Variants in DMD observed in about 807,000 individuals in gnomAD.
DMD encodes mutant dystrophin.
DMD carries 63 observed loss-of-function variants against 330.1 expected under a neutral mutation model. The ratio of observed to expected loss-of-function variants is 0.19; its 90% CI spans 0.16 to 0.24. The LOEUF (loss-of-function observed/expected upper bound fraction) is 0.24, where lower values mean the gene tolerates loss of function less well. Among genes scored for constraint, DMD ranks in the 10% least tolerant of loss-of-function variants. The pLI, the probability that DMD is intolerant of heterozygous loss-of-function variation, is 1.00. For synonymous variants in DMD, 1,223 were observed against 959.8 expected (o/e 1.27, Z -5.07); for missense variants, 3,344 against 2,684.1 (o/e 1.25, Z -5.43).
intron 6 of DMD, among the ~76,000 whole-genome samples, chrX:32,814,230 C>A (rs1448250914): frequency 8.9e-6 from 1 of 112,194 alleles, no homozygotes; most frequent in Non-Finnish European, 1.9e-5. Flanking sequence ...GTAATTTTAT[C>A]TGCATCTTTT....
chrX:31,892,753 G>A (rs1397684218), intron 47 of DMD, among the ~76,000 whole-genome samples: 1 of 111,451 alleles, frequency 9.0e-6, no homozygotes, highest in Admixed American at 9.5e-5. Context: ...CCTAAACATA[G>A]AAAAAGGTAT....
At chrX:32,526,804 A>G (rs1267190739) in intron 17 of DMD, among the ~76,000 whole-genome samples, 2 of 112,521 alleles carry the variant, frequency 1.8e-5, no homozygotes, top group African/African-American at 6.5e-5. Flanking sequence ...TTAGTGCTAT[A>G]TAACTGTGCT....
At chrX:33,114,069 C>T (rs12556796) in intron 1 of DMD, among the ~76,000 whole-genome samples, 44,202 of 107,939 alleles carry the variant, frequency 0.41, 7,587 homozygotes, top group Non-Finnish European at 0.52. Flanking sequence ...TATCCTCAAT[C>T]TGGTATTATT....
At chrX:32,697,118 T>C (rs1216736743) in intron 9 of DMD, among the ~76,000 whole-genome samples, 2 of 111,796 alleles carry the variant, frequency 1.8e-5, no homozygotes, top group Admixed American at 1.9e-4. Flanking sequence ...GCAAAATAAA[T>C]CATTTTTGTT....
chrX:31,792,980 G>A (rs942415927), intron 50 of DMD, among the ~76,000 whole-genome samples: 1 of 111,392 alleles, frequency 9.0e-6, no homozygotes, highest in Non-Finnish European at 1.9e-5. Context: ...TTGAAGGATT[G>A]TAAATGTGAG....
intron 44 of DMD, among the ~76,000 whole-genome samples, chrX:32,176,051 C>G (rs2096905416): frequency 9.0e-6 from 1 of 111,630 alleles, no homozygotes; most frequent in Non-Finnish European, 1.9e-5. Flanking sequence ...AAAGCTAGTT[C>G]ATTTTTAAGG....
At chrX:31,279,912 C>T (rs747292424) in intron 62 of DMD, among the ~76,000 whole-genome samples, 1 of 112,612 alleles carries the variant, frequency 8.9e-6, no homozygotes, top group East Asian at 2.8e-4. Flanking sequence ...AAAGAATGTG[C>T]AACAAAGATG....
At chrX:31,266,789 C>T (rs777419114) in intron 62 of DMD, 1 of 1,189,384 alleles carries the variant, frequency 8.4e-7, no homozygotes, top group Non-Finnish European at 1.1e-6. Context: ...TCAGACGGGG[C>T]CGGGGCCGCG....
At chrX:31,261,120 A>T in intron 62 of DMD, 104 bp from the exon 63 acceptor site, 1 of 720,858 alleles carries the variant, frequency 1.4e-6, no homozygotes, top group Non-Finnish European at 2.1e-6. Context: ...TTTGCTTTTG[A>T]ACCATTCGGA....
rs138409010 is a variant in DMD, at chrX:33,160,972, A to G, written c.31+50310T>C. Among the ~76,000 whole-genome samples, 813 of 112,181 alleles carry G rather than the reference A, an allele frequency of 7.2e-3. 4 individuals carry two copies. The highest frequency in any genetic ancestry group is 0.012 in the Non-Finnish European group (634 of 53,235). ...CCAACCTAGGTGTTAAAAATTCTCT[A>G]TTACTCTAATAATTTCTCCCCAAAT... is the stretch of plus-strand genomic sequence containing the variant. On this transcript the variant is annotated intron_variant, in intron 1 of 78. Coordinates refer to ENST00000357033, the MANE Select transcript of DMD (RefSeq NM_004006.3).
At chrX:31,208,696 A>T (rs190113460) in intron 65 of DMD, among the ~76,000 whole-genome samples, 13 of 111,763 alleles carry the variant, frequency 1.2e-4, no homozygotes, top group Non-Finnish European at 2.1e-4. Flanking sequence ...TTGTTTTGCA[A>T]CTCTTTTCAG....
rs771300047 is a variant in DMD, at chrX:32,663,871, T to C, written c.961-18719A>G. On this transcript the variant is annotated intron_variant, in intron 9 of 78. Transcript: ENST00000357033. ...GTATGTGGAGGAAATGTGTTCCAGG[T>C]AGAGGCATCTATGACTGCGGTGGAA... Among the ~76,000 whole-genome samples the C allele has an allele frequency of 2.4e-3, 265 of 111,396 alleles. 1 individual carries two copies. Among genetic ancestry groups the C allele is most frequent in the African/African-American group, 8.3e-3 (256 of 30,665 alleles).
chrX:31,200,527 T>A lies in DMD; in HGVS notation c.9807+3434A>T, dbSNP rs962748246. ...ATTCATGTGAACAAAGTTTTGTTAG[T>A]AGCAATGGTAACAATATTATTTATA... is the stretch of plus-strand genomic sequence containing the variant. On this transcript the variant is annotated intron_variant, in intron 67 of 78. Transcript: ENST00000357033. Among the ~76,000 whole-genome samples, 61 of 112,371 alleles carry A rather than the reference T, an allele frequency of 5.4e-4. 1 individual carries two copies. The highest frequency in any genetic ancestry group is 1.9e-3 in the African/African-American group (60 of 30,944).
At chrX:32,626,564 T>G (rs2058358760) in intron 11 of DMD, among the ~76,000 whole-genome samples, 1 of 105,143 alleles carries the variant, frequency 9.5e-6, no homozygotes, top group Non-Finnish European at 1.9e-5. Flanking sequence ...TAACAATTCT[T>G]TATATGCAAC....
chrX:33,049,849 T>A (rs1024926327), intron 1 of DMD, among the ~76,000 whole-genome samples: 6 of 111,899 alleles, frequency 5.4e-5, no homozygotes, highest in Non-Finnish European at 1.1e-4. Context: ...TCTAATCACT[T>A]CTCATTTTTT....
At chrX:32,413,315 C>T (rs1472248643) in intron 29 of DMD, among the ~76,000 whole-genome samples, 1 of 111,493 alleles carries the variant, frequency 9.0e-6, no homozygotes. Context: ...TACTTCTCAA[C>T]TCCCCAACTT....
chrX:32,911,961 G>A (rs1242258532), intron 2 of DMD, among the ~76,000 whole-genome samples: 2 of 107,734 alleles, frequency 1.9e-5, no homozygotes, highest in African/African-American at 3.4e-5. Flanking sequence ...AGCAACCACA[G>A]GAAGCCACTA....
intron 15 of DMD, among the ~76,000 whole-genome samples, chrX:32,570,456 T>C (rs1407744929): frequency 1.2e-4 from 13 of 112,207 alleles, no homozygotes; most frequent in Non-Finnish European, 9.4e-5. Flanking sequence ...TGGAAAATTA[T>C]TGACTTTCTT....
At chrX:31,812,104 A>G (rs781703117) in intron 50 of DMD, among the ~76,000 whole-genome samples, 14 of 110,385 alleles carry the variant, frequency 1.3e-4, no homozygotes, top group African/African-American at 4.0e-4. Flanking sequence ...TTAAGTGCCA[A>G]GTAACCTCAT....
Sources: allele counts gnomAD v4.1 joint callset (sites outside exome capture counted in the v4.1 genomes callset), GRCh38; gene constraint gnomAD v4.1.1; transcripts MANE v1.5; gene names NCBI Gene and HGNC (gene_info 2026-07-23, HGNC 2026-07-21).